TUBB2B: variants seen among roughly 807,000 people sequenced by gnomAD.
TUBB2B encodes the protein tubulin beta 2B class IIb, also known as tubulin beta-2B chain.
TUBB2B carries 5 observed loss-of-function variants against 35.0 expected under a neutral mutation model. The observed-to-expected ratio is 0.14, with a 90% CI of 0.07 to 0.30. The LOEUF (loss-of-function observed/expected upper bound fraction) is 0.30. Ranked by LOEUF, TUBB2B falls within the 10% of genes least tolerant of loss-of-function variation. The pLI is 1.00. For synonymous variants in TUBB2B, 166 were observed against 250.5 expected, an observed-to-expected ratio of 0.66 and a Z score of 3.18; for missense variants, 63 against 601.8, an observed-to-expected ratio of 0.10 and a Z score of 9.37.
rs757125933 is a variant in TUBB2B, at chr6:3,227,490, G to A, written c.54C>T (p.Ala18=). The A allele has an allele frequency of 6.2e-7, 1 of 1,608,534 alleles. No individual in the cohort carries two copies. Among genetic ancestry groups the A allele is most frequent in the East Asian group, 2.2e-5 (1 of 44,824 alleles). Residue 18 remains alanine, a synonymous_variant, in exon 1 of 4, where the codon GCC becomes GCT. Coordinates refer to ENST00000259818, the MANE Select transcript of TUBB2B (RefSeq NM_178012.5). This position sits in a 1 kb window ranked among gnomAD's most constrained non-coding sequence, Gnocchi z 7.8. ...CCCTCCGCTGCGGCGCGCCCACCTT[G>A]GCGCCGATCTGGTTGCCGCACTGGC... ...QAGQCGNQIG[A]KFWEVISDEH...
In TUBB2B at chr6:3,227,487, C is replaced by T; in HGVS notation, c.57G>A (p.Lys19=). The part of the protein sequence containing the change: ...AGQCGNQIGA[K]FWEVISDEHG... ...ACCCCCTCCGCTGCGGCGCGCCCAC[C>T]TTGGCGCCGATCTGGTTGCCGCACT... Residue 19 remains lysine, a splice_region_variant and synonymous_variant, in exon 1 of 4, where the codon AAG becomes AAA. Transcript: ENST00000259818. The surrounding 1 kb of genome is among the most constrained non-coding windows in gnomAD (Gnocchi z 7.8). 1 of 1,608,316 alleles carries T rather than the reference C, an allele frequency of 6.2e-7. No individual in the cohort carries two copies. The highest frequency in any genetic ancestry group is 8.5e-7 in the Non-Finnish European group (1 of 1,179,688).
At position 3,227,351 on chromosome 6, in the gene TUBB2B, T is replaced by C; in HGVS notation, c.57+136A>G. 1 of 1,185,106 alleles carries C rather than the reference T, an allele frequency of 8.4e-7. No homozygotes were observed. The highest frequency in any genetic ancestry group is 1.2e-6 in the Non-Finnish European group (1 of 846,530). 73.4% of individuals were successfully genotyped at this position (1,185,106 alleles called of 1,614,324 possible). ...AGTCACCTCCTAGCCCAGGCCACACTCGGCGGCACAAAGCGGCCAGGAAGG... is the reference window on the plus strand; with the variant it reads ...AGTCACCTCCTAGCCCAGGCCACACCCGGCGGCACAAAGCGGCCAGGAAGG... On this transcript the variant is annotated intron_variant, in intron 1 of 3. Transcript: ENST00000259818. The surrounding 1 kb of genome is among the most constrained non-coding windows in gnomAD (Gnocchi z 7.8).
In TUBB2B at chr6:3,225,937, C is replaced by T. The variant is rs543852439; in HGVS notation, c.278-126G>A. 128 of 1,498,636 alleles carry T rather than the reference C, an allele frequency of 8.5e-5. No homozygotes were observed. In the Admixed American group the frequency reaches 1.4e-3, roughly 17 times the overall value. 92.8% of individuals were successfully genotyped at this position (1,498,636 alleles called of 1,614,324 possible). A position where few individuals can be genotyped will look rare whatever the true frequency, so the allele number is the denominator to read the frequency against. On this transcript the variant is annotated intron_variant, in intron 3 of 3. Transcript: ENST00000259818. ...CTATTTCAGATTATCACCAAAATGG[C>T]CAAACGTTAAAATATTTGTTCATGA...
intron 3 of TUBB2B, 28 bp from the exon 4 acceptor site, chr6:3,225,839 T>A (rs1169240122): frequency 6.2e-7 from 1 of 1,613,432 alleles, no homozygotes; most frequent in Non-Finnish European, 8.5e-7. Context: ...AAATCTTAAG[T>A]CACCGGTGAT....
Position 3,227,643 on chromosome 6 carries a change from GA to G in TUBB2B, c.-101del. The G allele has an allele frequency of 1.3e-6, 2 of 1,518,226 alleles. No homozygotes were observed. The highest frequency in any genetic ancestry group is 2.3e-5 in the South Asian group (2 of 85,570). The allele number at this position is 1,518,226 out of a possible 1,614,324, so 94.0% of individuals were successfully genotyped here. A position where few individuals can be genotyped will look rare whatever the true frequency, so the allele number is the denominator to read the frequency against. On this transcript the variant is annotated 5_prime_UTR_variant, in exon 1 of 4. Coordinates refer to ENST00000259818, the MANE Select transcript of TUBB2B (RefSeq NM_178012.5). This position sits in a 1 kb window ranked among gnomAD's most constrained non-coding sequence, Gnocchi z 7.8. ...GTCACCGGGAAGGCGCTCGGGAACCGACGGGCTGAGAGCGCCGGCCCCGCGG... is the reference window on the plus strand; with the variant it reads ...GTCACCGGGAAGGCGCTCGGGAACCGCGGGCTGAGAGCGCCGGCCCCGCGG...
At position 3,227,462 on chromosome 6, in the gene TUBB2B, A is replaced by T. The variant is rs1209100241; in HGVS notation, c.57+25T>A. The T allele has an allele frequency of 6.2e-7, 1 of 1,602,910 alleles. No homozygotes were observed. Among genetic ancestry groups the T allele is most frequent in the African/African-American group, 1.3e-5 (1 of 74,262 alleles). On this transcript the variant is annotated intron_variant, in intron 1 of 3. Transcript: ENST00000259818. This position sits in a 1 kb window ranked among gnomAD's most constrained non-coding sequence, Gnocchi z 7.8. ...CGGCCCAGGTTCGCGCCCCCATTGGACCCCCTCCGCTGCGGCGCGCCCACC... is the reference window on the plus strand; with the variant it reads ...CGGCCCAGGTTCGCGCCCCCATTGGTCCCCCTCCGCTGCGGCGCGCCCACC...
In TUBB2B at chr6:3,226,814, C is replaced by T; in HGVS notation, c.58-145G>A. ...GGGCGTCGTGACCCGGGCACAGCCG[C>T]GGGGCTTGTATTTTGCAGGTTCAGA... On this transcript the variant is annotated intron_variant, in intron 1 of 3. Transcript: ENST00000259818. The surrounding 1 kb of genome is among the most constrained non-coding windows in gnomAD (Gnocchi z 5.5). 6.4e-6 allele frequency: 5 copies of T among 778,198 alleles called. No homozygotes were observed. The South Asian group carries it at 7.1e-5, about 11-fold the overall frequency. The allele number at this position is 778,198 out of a possible 1,614,324, so 48.2% of individuals were successfully genotyped here.
Position 3,226,094 on chromosome 6 carries a change from T to G in TUBB2B, c.277+65A>C. ...ATGCTTTCCCTCTGGCAATCACACC[T>G]CTTCAGCCTCCACTGCCCAGCGTAA... is the stretch of plus-strand genomic sequence containing the variant. On this transcript the variant is annotated intron_variant, in intron 3 of 3. Coordinates refer to ENST00000259818, the MANE Select transcript of TUBB2B (RefSeq NM_178012.5). The surrounding 1 kb of genome is among the most constrained non-coding windows in gnomAD (Gnocchi z 5.5). 1 of 1,476,506 alleles carries G rather than the reference T, an allele frequency of 6.8e-7. No individual in the cohort carries two copies. Among genetic ancestry groups the G allele is most frequent in the Non-Finnish European group, 9.5e-7 (1 of 1,057,778 alleles). 91.5% of individuals were successfully genotyped at this position (1,476,506 alleles called of 1,614,324 possible).
rs534239631 is a variant in TUBB2B, at chr6:3,227,083, G to A, written c.57+404C>T. Among the ~76,000 whole-genome samples the A allele has an allele frequency of 6.0e-4, 91 of 152,316 alleles. 1 individual carries two copies. The highest frequency in any genetic ancestry group is 1.9e-3 in the African/African-American group (77 of 41,578). ...TAGATTCAAAGCACGTCCTGAGACC[G>A]CAAGACAATCGCTCTCCTCCCCTCC... is the stretch of plus-strand genomic sequence containing the variant. On this transcript the variant is annotated intron_variant, in intron 1 of 3. Coordinates refer to ENST00000259818, the MANE Select transcript of TUBB2B (RefSeq NM_178012.5). This position sits in a 1 kb window ranked among gnomAD's most constrained non-coding sequence, Gnocchi z 7.8.
At position 3,226,438 on chromosome 6, in the gene TUBB2B, G is replaced by A. The variant is rs973709615; in HGVS notation, c.166+123C>T. On this transcript the variant is annotated intron_variant, in intron 2 of 3. Coordinates refer to ENST00000259818, the MANE Select transcript of TUBB2B (RefSeq NM_178012.5). This position sits in a 1 kb window ranked among gnomAD's most constrained non-coding sequence, Gnocchi z 5.5. The stretch of plus-strand genomic sequence containing the variant: ...AGCCCAATGAAATACTGCAGGGAAA[G>A]AGCGGGGATCCTAAACTGAATAGTC... 1.9e-6 allele frequency: 2 copies of A among 1,069,510 alleles called. No homozygotes were observed. The highest frequency in any genetic ancestry group is 1.3e-5 in the South Asian group (1 of 78,528). 66.3% of individuals were successfully genotyped at this position (1,069,510 alleles called of 1,614,324 possible).
Position 3,224,694 on chromosome 6 carries a change from GC to G in TUBB2B, c.*56del, listed in dbSNP as rs1300040142. On this transcript the variant is annotated 3_prime_UTR_variant, in exon 4 of 4. Coordinates refer to ENST00000259818, the MANE Select transcript of TUBB2B (RefSeq NM_178012.5). ...CACTGCCAGGTTATCGTCCCGGGAA[GC>G]CCCCCACCCCCTCGCTTTCCTCCTC... is the stretch of plus-strand genomic sequence containing the variant. 5 of 1,605,816 alleles carry G rather than the reference GC, an allele frequency of 3.1e-6. No individual in the cohort carries two copies. The highest frequency in any genetic ancestry group is 4.3e-6 in the Non-Finnish European group (5 of 1,174,836).
rs955443991 is a variant in TUBB2B, at chr6:3,224,708, C to G, written c.*43G>C. The G allele has an allele frequency of 6.2e-7, 1 of 1,610,566 alleles. No homozygotes were observed. Among genetic ancestry groups the G allele is most frequent in the Non-Finnish European group, 8.5e-7 (1 of 1,177,498 alleles). Reference sequence around the variant, plus strand: ...CGTCCCGGGAAGCCCCCCACCCCCTCGCTTTCCTCCTCCGCTTTCCCTAAC... The same window carrying G: ...CGTCCCGGGAAGCCCCCCACCCCCTGGCTTTCCTCCTCCGCTTTCCCTAAC... On this transcript the variant is annotated 3_prime_UTR_variant, in exon 4 of 4. Coordinates refer to ENST00000259818, the MANE Select transcript of TUBB2B (RefSeq NM_178012.5).
chr6:3,227,420 G>C lies in TUBB2B; in HGVS notation c.57+67C>G. On this transcript the variant is annotated intron_variant, in intron 1 of 3. Transcript: ENST00000259818. The surrounding 1 kb of genome is among the most constrained non-coding windows in gnomAD (Gnocchi z 7.8). The stretch of plus-strand genomic sequence containing the variant: ...CAGGCCTTCCCAGGACCGCGCCTGG[G>C]GACCCCGAGGGGCTCTCGGCCCAGG... 1 of 1,589,790 alleles carries C rather than the reference G, an allele frequency of 6.3e-7. No individual in the cohort carries two copies. Among genetic ancestry groups the C allele is most frequent in the Non-Finnish European group, 8.5e-7 (1 of 1,173,994 alleles).
rs1023086483 is a variant in TUBB2B at position 3,226,888 on chromosome 6, G to C, written c.58-219C>G. 6.6e-6 allele frequency among the ~76,000 whole-genome samples: 1 copy of C among 152,194 alleles called. No individual in the cohort carries two copies. The highest frequency in any genetic ancestry group is 2.4e-5 in the African/African-American group (1 of 41,462). On this transcript the variant is annotated intron_variant, in intron 1 of 3. Transcript: ENST00000259818. This position sits in a 1 kb window ranked among gnomAD's most constrained non-coding sequence, Gnocchi z 5.5. Reference sequence around the variant, plus strand: ...GGCAAACAGCTGCCGCTCGCGGGGGGAGGTAGGGGTCGAGGGGGTAAGGAC... The same window carrying C: ...GGCAAACAGCTGCCGCTCGCGGGGGCAGGTAGGGGTCGAGGGGGTAAGGAC...
Position 3,226,046 on chromosome 6 carries a change from T to A in TUBB2B, c.277+113A>T. The A allele has an allele frequency of 2.2e-6, 3 of 1,350,166 alleles. No homozygotes were observed. Among genetic ancestry groups the A allele is most frequent in the South Asian group, 2.4e-5 (2 of 83,218 alleles). 83.6% of individuals were successfully genotyped at this position (1,350,166 alleles called of 1,614,324 possible). A position where few individuals can be genotyped will look rare whatever the true frequency, so the allele number is the denominator to read the frequency against. On this transcript the variant is annotated intron_variant, in intron 3 of 3. Transcript: ENST00000259818. The surrounding 1 kb of genome is among the most constrained non-coding windows in gnomAD (Gnocchi z 5.5). ...AATTTTACACTATATTAAAGCTAAG[T>A]TGGCACACCGCGGATGTTCTTCATG... is the stretch of plus-strand genomic sequence containing the variant.
In TUBB2B at chr6:3,224,610, A is replaced by G. The variant is rs1757248470; in HGVS notation, c.*141T>C. On this transcript the variant is annotated 3_prime_UTR_variant, in exon 4 of 4. Coordinates refer to ENST00000259818, the MANE Select transcript of TUBB2B (RefSeq NM_178012.5). ...AAAAGGAAAAAAAAAGTGACAGGCA[A>G]CAGTGAAGAGCACCAGAGACCCAGC... The G allele has an allele frequency of 8.7e-6, 11 of 1,270,594 alleles. No homozygotes were observed. The South Asian group carries it at 1.5e-4, about 17-fold the overall frequency. 78.7% of individuals were successfully genotyped at this position (1,270,594 alleles called of 1,614,324 possible). A position where few individuals can be genotyped will look rare whatever the true frequency, so the allele number is the denominator to read the frequency against.
rs1757289461 is a variant in TUBB2B at position 3,226,503 on chromosome 6, G to A, written c.166+58C>T. On this transcript the variant is annotated intron_variant, in intron 2 of 3. Coordinates refer to ENST00000259818, the MANE Select transcript of TUBB2B (RefSeq NM_178012.5). This position sits in a 1 kb window ranked among gnomAD's most constrained non-coding sequence, Gnocchi z 5.5. ...GCCACACCCCTGGGGTCCCACGCAA[G>A]GGAAAGGGGAGAAGGTGGAAAAACT... The A allele has an allele frequency of 1.3e-6, 2 of 1,514,942 alleles. No homozygotes were observed. The highest frequency in any genetic ancestry group is 1.7e-5 in the Admixed American group (1 of 59,900). The allele number at this position is 1,514,942 out of a possible 1,614,324, so 93.8% of individuals were successfully genotyped here.
Position 3,224,736 on chromosome 6 carries a change from G to A in TUBB2B, c.*15C>T, listed in dbSNP as rs750457664. The A allele has an allele frequency of 1.2e-6, 2 of 1,613,046 alleles. No homozygotes were observed. Among genetic ancestry groups the A allele is most frequent in the Admixed American group, 1.7e-5 (1 of 60,006 alleles). On this transcript the variant is annotated 3_prime_UTR_variant, in exon 4 of 4. Transcript: ENST00000259818. ...TTTCCTCCTCCGCTTTCCCTAACCCGTCTCGCGGGGGCATCTACGCCTCGT... is the reference window on the plus strand; with the variant it reads ...TTTCCTCCTCCGCTTTCCCTAACCCATCTCGCGGGGGCATCTACGCCTCGT...
chr6:3,225,869 C>A, intron 3 of TUBB2B, 58 bp from the exon 4 acceptor site: 2 of 1,606,816 alleles, frequency 1.2e-6, no homozygotes, highest in Non-Finnish European at 1.7e-6. Context: ...TACCTTACCT[C>A]AAACCCCTCA....
Sources: allele counts gnomAD v4.1 joint callset (sites outside exome capture counted in the v4.1 genomes callset), GRCh38; gene constraint gnomAD v4.1.1; non-coding constraint Gnocchi (gnomAD v3.1); transcripts MANE v1.5; gene names NCBI Gene and HGNC (gene_info 2026-07-23, HGNC 2026-07-21).